Variants in FBLN2 observed in about 807,000 individuals in gnomAD.
The protein encoded by FBLN2 is fibulin 2, also known as fibulin-2.
FBLN2 carries 81 observed loss-of-function variants against 123.7 expected under a neutral mutation model. That is an observed-to-expected ratio of 0.65 (90% CI 0.55 to 0.79). The LOEUF is 0.79. FBLN2 is among the 30% of genes least tolerant of loss of function. FBLN2 has a pLI of 0.00. For missense variants in FBLN2, 1,603 were observed against 1,681.3 expected (o/e 0.95, Z 0.81); for synonymous variants, 699 against 701.4 (o/e 1.00, Z 0.05).
intron 3 of FBLN2, 97 bp downstream of exon 3, chr3:13,608,270 T>C (rs1017371047): frequency 6.1e-6 from 5 of 819,574 alleles, no homozygotes; most frequent in Non-Finnish European, 9.8e-6. Flanking sequence ...CCGGAGAGAG[T>C]GCACCTTCAC....
chr3:13,631,759 C>G (rs1706266853), intron 16 of FBLN2, among the ~76,000 whole-genome samples: 1 of 152,210 alleles, frequency 6.6e-6, no homozygotes, highest in African/African-American at 2.4e-5. Context: ...ACGAAGCCTG[C>G]CCAGTGAGGA....
At chr3:13,627,011 T>C (rs1393004009) in intron 10 of FBLN2, among the ~76,000 whole-genome samples, 1 of 152,090 alleles carries the variant, frequency 6.6e-6, no homozygotes, top group Non-Finnish European at 1.5e-5. Flanking sequence ...TGCTCTTATG[T>C]GCCTGCCGGG....
chr3:13,578,429 C>T (rs1384626592), intron 2 of FBLN2, among the ~76,000 whole-genome samples: 1 of 152,136 alleles, frequency 6.6e-6, no homozygotes, highest in African/African-American at 2.4e-5. Context: ...CTGGATATCC[C>T]TGGACTCTCT....
chr3:13,600,984 C>G (rs1279684926), intron 2 of FBLN2, among the ~76,000 whole-genome samples: 1 of 152,150 alleles, frequency 6.6e-6, no homozygotes, highest in Non-Finnish European at 1.5e-5. Flanking sequence ...GTGATCACAT[C>G]AGGGTGTTGA....
At chr3:13,592,934 T>C (rs1704722340) in intron 2 of FBLN2, among the ~76,000 whole-genome samples, 1 of 152,206 alleles carries the variant, frequency 6.6e-6, no homozygotes, top group Admixed American at 6.5e-5. Flanking sequence ...GGGAGATAGC[T>C]GGTCTGGGAT....
Position 13,562,677 on chromosome 3 carries a change from C to A in FBLN2, c.-41-7638C>A, listed in dbSNP as rs893001957. ...TACCATTTTAACCTGCTTGAGTGCACAGCTCAGTGGCATCATGGAAGTTCA... is the reference window on the plus strand; with the variant it reads ...TACCATTTTAACCTGCTTGAGTGCAAAGCTCAGTGGCATCATGGAAGTTCA... On this transcript the variant is annotated intron_variant, in intron 1 of 17. Coordinates refer to ENST00000404922, the MANE Select transcript of FBLN2 (RefSeq NM_001004019.2). 2.6e-5 allele frequency among the ~76,000 whole-genome samples: 4 copies of A among 152,312 alleles called. No individual in the cohort carries two copies. The South Asian group carries it at 6.2e-4, about 24-fold the overall frequency.
Position 13,619,784 on chromosome 3 carries a change from C to G in FBLN2, c.2108C>G (p.Ser703Cys). The change falls in exon 8 of 18, where the codon TCC becomes TGC. Residue 703 changes from serine (S) to cysteine (C), a missense_variant. Transcript: ENST00000404922. ...ACTGTTGGGGGCTCAGCCATATGCTCCTGTTTTCCCGGCTATGCCATCATG... is the reference window on the plus strand; with the variant it reads ...ACTGTTGGGGGCTCAGCCATATGCTGCTGTTTTCCCGGCTATGCCATCATG... ...CSTVGGSAIC[S>C]CFPGYAIMAD... is the part of the protein sequence containing the mutation. The G allele has an allele frequency of 6.2e-7, 1 of 1,613,010 alleles. No homozygotes were observed. Among genetic ancestry groups the G allele is most frequent in the Non-Finnish European group, 8.5e-7 (1 of 1,179,434 alleles).
chr3:13,598,746 C>T (rs865911158), intron 2 of FBLN2, among the ~76,000 whole-genome samples: 29 of 152,268 alleles, frequency 1.9e-4, no homozygotes, highest in African/African-American at 6.7e-4. Context: ...AATGATTAGG[C>T]TGATTCTTGG....
chr3:13,569,924 G>A (rs73148622), intron 1 of FBLN2, among the ~76,000 whole-genome samples: 7,635 of 152,124 alleles, frequency 0.05, 241 homozygotes, highest in African/African-American at 0.091. Context: ...GGATTATGGG[G>A]CATATTGCCT....
At chr3:13,581,017 C>T (rs972148753) in intron 2 of FBLN2, among the ~76,000 whole-genome samples, 14 of 152,136 alleles carry the variant, frequency 9.2e-5, no homozygotes, top group Non-Finnish European at 1.5e-4. Flanking sequence ...TTAGCTCTGG[C>T]GTGTTCTCAT....
At chr3:13,590,390 ATCT>A (rs1274209195) in intron 2 of FBLN2, among the ~76,000 whole-genome samples, 1 of 151,942 alleles carries the variant, frequency 6.6e-6, no homozygotes, top group Non-Finnish European at 1.5e-5. Context: ...CAGAGGTGCC[ATCT>A]TGGCTCACTG....
At chr3:13,592,018 CTTTTT>C (rs869103466) in intron 2 of FBLN2, among the ~76,000 whole-genome samples, 1 of 131,976 alleles carries the variant, frequency 7.6e-6, no homozygotes, top group Non-Finnish European at 1.6e-5. Context: ...CCTCTCTTTT[CTTTTT>C]TTTTTTTTTT....
chr3:13,623,420 C>T (rs1001193042), intron 9 of FBLN2, among the ~76,000 whole-genome samples: 5 of 152,178 alleles, frequency 3.3e-5, no homozygotes, highest in African/African-American at 1.2e-4. Context: ...AATTGATGAG[C>T]TCACATGCAT....
rs147743700 is a variant in FBLN2 at position 13,622,108 on chromosome 3, C to T, written c.2296+193C>T. 1.5e-3 allele frequency among the ~76,000 whole-genome samples: 234 copies of T among 152,328 alleles called. 1 individual carries two copies. Among genetic ancestry groups the T allele is most frequent in the South Asian group, 9.5e-3 (46 of 4,828 alleles). On this transcript the variant is annotated intron_variant, in intron 9 of 17. Coordinates refer to ENST00000404922, the MANE Select transcript of FBLN2 (RefSeq NM_001004019.2). ...GTCCCGCTTGGCTGCCAGCTCCACC[C>T]GGAGGCTGCTTTCCCCAGGGACGTG...
chr3:13,609,688 G>GGGGC, intron 4 of FBLN2, 46 bp downstream of exon 4: 7 of 512,594 alleles, frequency 1.4e-5, no homozygotes, highest in Non-Finnish European at 2.5e-5. Context: ...GTGGGGCGGG[G>GGGGC]CGGGAGGCTG....
At chr3:13,586,448 G>C (rs1346054927) in intron 2 of FBLN2, among the ~76,000 whole-genome samples, 1 of 150,594 alleles carries the variant, frequency 6.6e-6, no homozygotes, top group Non-Finnish European at 1.5e-5. Context: ...CTCTCAAAGG[G>C]TTGGGATTAC....
intron 2 of FBLN2, among the ~76,000 whole-genome samples, chr3:13,577,744 G>C (rs1336155288): frequency 6.6e-6 from 1 of 152,152 alleles, no homozygotes; most frequent in African/African-American, 2.4e-5. Flanking sequence ...AGAGCTCCGT[G>C]GCTGGACAGG....
At chr3:13,637,418 C>T (rs1176369764) in intron 17 of FBLN2, 144 bp from the exon 18 acceptor site, 23 of 684,332 alleles carry the variant, frequency 3.4e-5, no homozygotes, top group Non-Finnish European at 3.9e-5. Context: ...ACCCAGGGGA[C>T]GTAAGGGGAC....
At chr3:13,636,648 C>A (rs967715622) in intron 17 of FBLN2, 80 bp downstream of exon 17, 12 of 1,506,230 alleles carry the variant, frequency 8.0e-6, no homozygotes, top group Admixed American at 4.1e-5. Flanking sequence ...GAGAGATGGG[C>A]GCCTGCCTTG....
Sources: allele counts gnomAD v4.1 joint callset (sites outside exome capture counted in the v4.1 genomes callset), GRCh38; gene constraint gnomAD v4.1.1; transcripts MANE v1.5; gene names NCBI Gene and HGNC (gene_info 2026-07-23, HGNC 2026-07-21).